NRXN3: variants seen among roughly 807,000 people sequenced by gnomAD.
NRXN3 encodes neurexin 3.
In NRXN3, 32 loss-of-function variants were observed where a neutral mutation model predicts 137.6. The observed-to-expected ratio is 0.23, with a 90% CI of 0.18 to 0.31. NRXN3 has a LOEUF of 0.31. Ranked by LOEUF, NRXN3 falls within the 10% of genes least tolerant of loss-of-function variation. NRXN3 has a pLI of 1.00. For missense variants in NRXN3, 1,574 were observed against 2,062.5 expected (o/e 0.76, Z 4.59); for synonymous variants, 798 against 784.5 (o/e 1.02, Z -0.29).
Position 78,456,857 on chromosome 14 carries a change from TTC to T in NRXN3, c.757+159001_757+159002del, listed in dbSNP as rs1207335983. On this transcript the variant is annotated intron_variant, in intron 4 of 20. Transcript: ENST00000335750. ...TCTTTCTTTCTTTCTTTCTTTCTTT[TTC>T]TCTTTCTTTCTTTCTTTCTTTCCTT... Among the ~76,000 whole-genome samples the T allele has an allele frequency of 3.4e-4, 10 of 29,048 alleles. 1 individual carries two copies. The East Asian group carries it at 7.8e-3, about 23-fold the overall frequency. 19.1% of individuals were successfully genotyped at this position (29,048 alleles called of 152,430 possible).
intron 19 of NRXN3, among the ~76,000 whole-genome samples, chr14:79,786,443 T>A (rs2099129664): frequency 6.6e-6 from 1 of 152,238 alleles, no homozygotes; most frequent in African/African-American, 2.4e-5. Context: ...TGGAAGCATA[T>A]TAAAACTGTT....
intron 11 of NRXN3, 112 bp from the exon 12 acceptor site, chr14:78,965,913 A>G: frequency 7.9e-7 from 1 of 1,262,940 alleles, no homozygotes; most frequent in East Asian, 2.3e-5. Flanking sequence ...AACTCACCCA[A>G]GAAAGCTGAA....
chr14:78,803,301 G>T (rs1596002670), intron 8 of NRXN3, among the ~76,000 whole-genome samples: 1 of 152,274 alleles, frequency 6.6e-6, no homozygotes, highest in East Asian at 1.9e-4. Flanking sequence ...AATACTATTT[G>T]TGAGGGGCGT....
chr14:79,607,806 G>A (rs1032316497), intron 16 of NRXN3, among the ~76,000 whole-genome samples: 7 of 151,502 alleles, frequency 4.6e-5, no homozygotes, highest in Non-Finnish European at 8.8e-5. Flanking sequence ...AGCCTCCTGA[G>A]TAGCTGGAAC....
chr14:79,239,847 G>A (rs1337919407), intron 15 of NRXN3, among the ~76,000 whole-genome samples: 2 of 152,148 alleles, frequency 1.3e-5, no homozygotes, highest in African/African-American at 4.8e-5. Flanking sequence ...AAGAATTTCT[G>A]CCATTTGCAG....
chr14:78,538,547 T>A (rs1316385960), intron 4 of NRXN3, among the ~76,000 whole-genome samples: 1 of 152,250 alleles, frequency 6.6e-6, no homozygotes, highest in African/African-American at 2.4e-5. Context: ...TATGCAATCA[T>A]GTCATCTGCA....
intron 4 of NRXN3, among the ~76,000 whole-genome samples, chr14:78,389,650 G>A (rs1292479108): frequency 6.6e-6 from 1 of 151,692 alleles, no homozygotes; most frequent in Non-Finnish European, 1.5e-5. Flanking sequence ...TTGTTGCTTG[G>A]TATTATAAAT....
chr14:78,849,120 A>G (rs2099035747), intron 10 of NRXN3, among the ~76,000 whole-genome samples: 1 of 152,090 alleles, frequency 6.6e-6, no homozygotes, highest in Non-Finnish European at 1.5e-5. Context: ...GAAGCTAGAG[A>G]CAGTATAGCC....
chr14:78,399,365 T>C (rs1411894798), intron 4 of NRXN3, among the ~76,000 whole-genome samples: 2 of 152,234 alleles, frequency 1.3e-5, no homozygotes, highest in African/African-American at 4.8e-5. Context: ...CAAGCATGTA[T>C]ACTCTATTCT....
At chr14:78,719,418 T>TAGCAGC (rs10684562) in intron 8 of NRXN3, among the ~76,000 whole-genome samples, 4 of 151,770 alleles carry the variant, frequency 2.6e-5, no homozygotes, top group Admixed American at 1.3e-4. Context: ...TGATCCTGGG[T>TAGCAGC]AGCAGCAGCA....
Position 79,203,988 on chromosome 14 carries a change from A to G in NRXN3, c.3262+215847A>G, listed in dbSNP as rs148093926. Reference sequence around the variant, plus strand: ...CTCCCACCAAAGCTTTTGAGCTACCATCATGGCATCATGAAAGGCAGAGTT... The same window carrying G: ...CTCCCACCAAAGCTTTTGAGCTACCGTCATGGCATCATGAAAGGCAGAGTT... On this transcript the variant is annotated intron_variant, in intron 15 of 20. Coordinates refer to ENST00000335750, the MANE Select transcript of NRXN3 (RefSeq NM_001330195.2). 1.7e-3 allele frequency among the ~76,000 whole-genome samples: 257 copies of G among 152,206 alleles called. 1 individual carries two copies. The highest frequency in any genetic ancestry group is 5.8e-3 in the African/African-American group (240 of 41,526).
chr14:78,437,371 CAG>C (rs1405749787), intron 4 of NRXN3, among the ~76,000 whole-genome samples: 1 of 148,516 alleles, frequency 6.7e-6, no homozygotes. Context: ...ATTTTTGAGA[CAG>C]AGTCTCACTC....
At chr14:79,784,564 T>A (rs1353846253) in intron 19 of NRXN3, among the ~76,000 whole-genome samples, 2 of 149,430 alleles carry the variant, frequency 1.3e-5, no homozygotes, top group African/African-American at 4.9e-5. Context: ...CTCCAAAGAA[T>A]CAGAAAATCT....
intron 5 of NRXN3, among the ~76,000 whole-genome samples, chr14:78,647,289 G>A (rs866451579): frequency 5.3e-5 from 8 of 152,170 alleles, no homozygotes; most frequent in African/African-American, 1.2e-4. Flanking sequence ...TGTTTTTCCC[G>A]CCCCTGCCCT....
chr14:79,353,543 GA>G (rs541564931), intron 15 of NRXN3, among the ~76,000 whole-genome samples: 82 of 151,812 alleles, frequency 5.4e-4, no homozygotes, highest in African/African-American at 1.9e-3. Context: ...AAATAAAAAC[GA>G]AAAAAATGAA....
chr14:78,420,828 A>G (rs1453475923), intron 4 of NRXN3, among the ~76,000 whole-genome samples: 1 of 152,214 alleles, frequency 6.6e-6, no homozygotes, highest in Non-Finnish European at 1.5e-5. Flanking sequence ...CCACTGCTAT[A>G]GCCTTGGCTG....
At chr14:78,976,745 G>T (rs907786642) in intron 14 of NRXN3, among the ~76,000 whole-genome samples, 3 of 152,062 alleles carry the variant, frequency 2.0e-5, no homozygotes, top group Non-Finnish European at 2.9e-5. Flanking sequence ...CACATTATAC[G>T]AGAGAGGCGT....
chr14:78,295,048 G>A (rs575881333), intron 3 of NRXN3, among the ~76,000 whole-genome samples: 6 of 152,294 alleles, frequency 3.9e-5, no homozygotes, highest in Non-Finnish European at 8.8e-5. Flanking sequence ...CGGAGAAGCA[G>A]AATTTCAAAA....
chr14:79,595,370 A>G (rs1303056344), intron 16 of NRXN3, among the ~76,000 whole-genome samples: 1 of 152,214 alleles, frequency 6.6e-6, no homozygotes, highest in African/African-American at 2.4e-5. Flanking sequence ...GTTGCTTACT[A>G]TGAATGTCTT....
Sources: gnomAD v4.1 joint callset for allele counts (sites outside exome capture counted in the v4.1 genomes callset) on GRCh38, gnomAD v4.1.1 for gene constraint, MANE v1.5 for transcripts, NCBI Gene and HGNC (gene_info 2026-07-23, HGNC 2026-07-21) for gene names.